The following CNTN4 variants were observed in gnomAD, a reference collection of about 807,000 sequenced individuals.
CNTN4 encodes the protein contactin 4, also known as contactin-4.
In CNTN4, 77 loss-of-function variants were observed where a neutral mutation model predicts 122.5. The ratio of observed to expected loss-of-function variants is 0.63; its 90% CI spans 0.52 to 0.76. CNTN4 has a LOEUF of 0.76. CNTN4 is among the 30% of genes least tolerant of loss of function. The probability of loss-of-function intolerance (pLI) is 0.00; values close to 1 mark genes in which losing one functional copy is unlikely to be tolerated. For missense variants in CNTN4, 1,256 were observed against 1,259.1 expected (o/e 1.00, Z 0.04); for synonymous variants, 512 against 447.0 (o/e 1.15, Z -1.83).
At chr3:2,961,007 G>T (rs1284542480) in intron 13 of CNTN4, among the ~76,000 whole-genome samples, 1 of 140,740 alleles carries the variant, frequency 7.1e-6, no homozygotes, top group African/African-American at 2.6e-5. Context: ...GAGGCGGGTG[G>T]ATCACGAGGT....
chr3:3,045,974 G>T (rs1340993296), intron 23 of CNTN4, among the ~76,000 whole-genome samples: 1 of 152,206 alleles, frequency 6.6e-6, no homozygotes, highest in Non-Finnish European at 1.5e-5. Flanking sequence ...AGAACTACAT[G>T]ACGAAGGCAC....
In CNTN4 at chr3:3,055,261, C is replaced by CTTAT. The variant is rs1242704100; in HGVS notation, c.2981-858_2981-855dup. On this transcript the variant is annotated intron_variant, in intron 24 of 24. Coordinates refer to ENST00000418658, the MANE Select transcript of CNTN4 (RefSeq NM_175607.3). ...AGGCCACAAAAATACAAGATTGGGG[C>CTTAT]TTATCTCGCTTCATTAAAAATCTGA... Among the ~76,000 whole-genome samples, 8 of 36,020 alleles carry CTTAT rather than the reference C, an allele frequency of 2.2e-4. No homozygotes were observed. In the Admixed American group the frequency reaches 2.6e-3, roughly 12 times the overall value. The allele number at this position is 36,020 out of a possible 152,430, so 23.6% of individuals were successfully genotyped here. A position where few individuals can be genotyped will look rare whatever the true frequency, so the allele number is the denominator to read the frequency against.
rs1476318328 is a variant in CNTN4, at chr3:2,385,461, T to C, written c.-89+46228T>C. ...ATAGCAGATGCTTGTATTAGTTTCT[T>C]AGGACTGCCACAGCAAAGTACCATA... On this transcript the variant is annotated intron_variant, in intron 3 of 24. Transcript: ENST00000418658. The surrounding 1 kb of genome is among the most constrained non-coding windows in gnomAD (Gnocchi z 4.0). 3.3e-5 allele frequency among the ~76,000 whole-genome samples: 5 copies of C among 152,212 alleles called. No homozygotes were observed. In the East Asian group the frequency reaches 9.7e-4, roughly 30 times the overall value.
At chr3:2,317,406 A>G (rs2043141766) in intron 2 of CNTN4, among the ~76,000 whole-genome samples, 2 of 152,226 alleles carry the variant, frequency 1.3e-5, no homozygotes, top group Non-Finnish European at 2.9e-5. Flanking sequence ...AAACACTCAG[A>G]AAAATCAATA....
At chr3:2,328,297 T>G (rs1397544099) in intron 2 of CNTN4, among the ~76,000 whole-genome samples, 1 of 150,248 alleles carries the variant, frequency 6.7e-6, no homozygotes, top group African/African-American at 2.4e-5. Context: ...TCCCAGCTAC[T>G]CGGGAGGCTG....
At chr3:3,017,328 T>G (rs1009538881) in intron 14 of CNTN4, among the ~76,000 whole-genome samples, 5 of 152,216 alleles carry the variant, frequency 3.3e-5, no homozygotes, top group Non-Finnish European at 7.3e-5. Context: ...AAAGTAAATG[T>G]GTCTAAAAGA....
At chr3:2,485,389 G>A (rs190162066) in intron 3 of CNTN4, among the ~76,000 whole-genome samples, 13 of 152,378 alleles carry the variant, frequency 8.5e-5, no homozygotes, top group Non-Finnish European at 1.3e-4. Flanking sequence ...GTCTAGTGGG[G>A]ACTTGGAGAA....
At chr3:2,324,866 C>T (rs1163179376) in intron 2 of CNTN4, among the ~76,000 whole-genome samples, 2 of 152,106 alleles carry the variant, frequency 1.3e-5, no homozygotes, top group Non-Finnish European at 2.9e-5. Context: ...CTCCCCCCAC[C>T]TCAAAAGCAG....
chr3:2,348,158 C>G (rs990741939), intron 3 of CNTN4, among the ~76,000 whole-genome samples: 2 of 152,102 alleles, frequency 1.3e-5, no homozygotes, highest in Non-Finnish European at 2.9e-5. Context: ...TTTATTGAGT[C>G]TTTAGGATAT....
At chr3:2,388,955 C>G (rs867833327) in intron 3 of CNTN4, among the ~76,000 whole-genome samples, 1 of 151,946 alleles carries the variant, frequency 6.6e-6, no homozygotes, top group Admixed American at 6.6e-5. Flanking sequence ...GTCAGGAGTT[C>G]GAGACCAGCC....
In CNTN4 at chr3:2,891,272, C is replaced by A. The variant is rs180935155; in HGVS notation, c.940+4048C>A. 2.0e-5 allele frequency among the ~76,000 whole-genome samples: 3 copies of A among 152,116 alleles called. No individual in the cohort carries two copies. In the East Asian group the frequency reaches 5.8e-4, roughly 30 times the overall value. On this transcript the variant is annotated intron_variant, in intron 10 of 24. Transcript: ENST00000418658. Reference sequence around the variant, plus strand: ...TGAGGCCAGGAATTCGAAACCAGCTCCGTCTCTACTAAAATATAAAAATTA... The same window carrying A: ...TGAGGCCAGGAATTCGAAACCAGCTACGTCTCTACTAAAATATAAAAATTA...
At chr3:2,491,013 AG>A (rs1264434296) in intron 3 of CNTN4, among the ~76,000 whole-genome samples, 3 of 152,178 alleles carry the variant, frequency 2.0e-5, no homozygotes, top group African/African-American at 4.8e-5. Flanking sequence ...AAGAAAGAAT[AG>A]GGGGGAAAAA....
chr3:2,590,055 A>T (rs889659373), intron 4 of CNTN4, among the ~76,000 whole-genome samples: 5 of 152,266 alleles, frequency 3.3e-5, no homozygotes, highest in Admixed American at 3.3e-4. Flanking sequence ...GTAATTTCAA[A>T]CCACCACAAT....
At chr3:2,886,114 A>G (rs570102917) in intron 9 of CNTN4, among the ~76,000 whole-genome samples, 1 of 152,164 alleles carries the variant, frequency 6.6e-6, no homozygotes, top group Non-Finnish European at 1.5e-5. Flanking sequence ...CCTCATCTCA[A>G]TGGGAGGAAT....
At chr3:2,346,687 G>A (rs553737670) in intron 3 of CNTN4, among the ~76,000 whole-genome samples, 1 of 152,240 alleles carries the variant, frequency 6.6e-6, no homozygotes, top group South Asian at 2.1e-4. Flanking sequence ...TACAGATAAT[G>A]AAATCTGCTG....
intron 7 of CNTN4, among the ~76,000 whole-genome samples, chr3:2,860,126 T>C (rs980038043): frequency 3.3e-5 from 5 of 152,236 alleles, no homozygotes; most frequent in Non-Finnish European, 7.3e-5. Context: ...GGCACAAGGT[T>C]GGATGAGATT....
chr3:2,143,280 G>A (rs1395001924), intron 2 of CNTN4, among the ~76,000 whole-genome samples: 1 of 152,132 alleles, frequency 6.6e-6, no homozygotes, highest in Admixed American at 6.6e-5. Flanking sequence ...TTGGTTTGCA[G>A]TTACCTTCAC....
intron 17 of CNTN4, among the ~76,000 whole-genome samples, chr3:3,035,137 C>G (rs897735211): frequency 1.3e-5 from 2 of 151,720 alleles, no homozygotes; most frequent in Non-Finnish European, 2.9e-5. Context: ...GCAAAACCCC[C>G]TCTCTACAAA....
chr3:2,904,203 A>G (rs1480706377), intron 12 of CNTN4, among the ~76,000 whole-genome samples: 1 of 152,226 alleles, frequency 6.6e-6, no homozygotes, highest in Non-Finnish European at 1.5e-5. Flanking sequence ...TGAGAGCATA[A>G]TGGAAGACTA....
Sources: allele counts gnomAD v4.1 joint callset (sites outside exome capture counted in the v4.1 genomes callset), GRCh38; gene constraint gnomAD v4.1.1; non-coding constraint Gnocchi (gnomAD v3.1); transcripts MANE v1.5; gene names NCBI Gene and HGNC (gene_info 2026-07-23, HGNC 2026-07-21).